RSPH1: variants seen among roughly 807,000 people sequenced by gnomAD.
The protein encoded by RSPH1 is radial spoke head component 1.
RSPH1 carries 32 observed loss-of-function variants against 44.2 expected under a neutral mutation model. That is an observed-to-expected ratio of 0.72 (90% CI 0.55 to 0.97). The LOEUF (loss-of-function observed/expected upper bound fraction) is 0.97, where lower values mean the gene tolerates loss of function less well. RSPH1 is among the 50% of genes least tolerant of loss of function. The pLI is 0.00. For missense variants in RSPH1, 391 were observed against 398.7 expected (o/e 0.98, Z 0.16); for synonymous variants, 134 against 147.3 (o/e 0.91, Z 0.65).
At chr21:42,482,451 T>C (rs2054138094) in intron 6 of RSPH1, among the ~76,000 whole-genome samples, 186 bp downstream of exon 6, 1 of 152,194 alleles carries the variant, frequency 6.6e-6, no homozygotes, top group African/African-American at 2.4e-5. Flanking sequence ...AAATGGGAAA[T>C]GATATTGTTT....
At chr21:42,478,813 C>T (rs1425792334) in intron 6 of RSPH1, among the ~76,000 whole-genome samples, 2 of 152,132 alleles carry the variant, frequency 1.3e-5, no homozygotes, top group Non-Finnish European at 2.9e-5. Context: ...CATCAACAGA[C>T]AAATGGATAA....
At chr21:42,494,769 G>C (rs371439509) in intron 1 of RSPH1, among the ~76,000 whole-genome samples, 31 of 150,798 alleles carry the variant, frequency 2.1e-4, no homozygotes, top group African/African-American at 7.6e-4. Context: ...GCGTGATCTC[G>C]GCTCACTGCA....
At chr21:42,473,278 G>C (rs1326235297) in intron 8 of RSPH1, among the ~76,000 whole-genome samples, 1 of 152,296 alleles carries the variant, frequency 6.6e-6, no homozygotes, top group East Asian at 1.9e-4. Context: ...ATCACTTGAG[G>C]TCAGGAGTTC....
chr21:42,485,472 C>A, intron 5 of RSPH1, 197 bp downstream of exon 5: 10 of 612,120 alleles, frequency 1.6e-5, no homozygotes, highest in Non-Finnish European at 1.4e-5. Flanking sequence ...ACGGGCCAAT[C>A]CCTCCCTTCC....
intron 3 of RSPH1, among the ~76,000 whole-genome samples, chr21:42,491,607 A>G (rs1280866810): frequency 6.6e-5 from 10 of 152,356 alleles, no homozygotes; most frequent in Admixed American, 4.6e-4. Context: ...GGTGCTTCTT[A>G]TAGAGCAAGC....
chr21:42,475,243 G>A (rs1207921400), intron 8 of RSPH1, among the ~76,000 whole-genome samples: 1 of 152,096 alleles, frequency 6.6e-6, no homozygotes, highest in Admixed American at 6.5e-5. Flanking sequence ...CATTGAAAAA[G>A]AGCTAGTTCC....
chr21:42,484,002 G>A (rs955141264), intron 5 of RSPH1, among the ~76,000 whole-genome samples: 2 of 152,140 alleles, frequency 1.3e-5, no homozygotes, highest in Non-Finnish European at 2.9e-5. Context: ...GTGTGTGTGT[G>A]TGTGTATCCT....
At chr21:42,482,275 G>A (rs1271195230) in intron 6 of RSPH1, among the ~76,000 whole-genome samples, 1 of 152,104 alleles carries the variant, frequency 6.6e-6, no homozygotes. Context: ...GCGGAGACAG[G>A]GATTCATCAC....
intron 5 of RSPH1, 89 bp from the exon 6 acceptor site, chr21:42,482,797 T>C (rs2054142784): frequency 1.1e-6 from 1 of 902,804 alleles, no homozygotes; most frequent in Non-Finnish European, 1.8e-6. Flanking sequence ...CCACCTCAAA[T>C]CACCAAATTG....
chr21:42,485,884 T>C (rs1405843282), intron 4 of RSPH1, 80 bp from the exon 5 acceptor site: 31 of 1,571,196 alleles, frequency 2.0e-5, no homozygotes, highest in African/African-American at 2.7e-5. Context: ...GACATTGACA[T>C]TGAGGGAGGC....
chr21:42,477,967 T>C (rs1379404179), intron 6 of RSPH1, among the ~76,000 whole-genome samples: 3 of 152,306 alleles, frequency 2.0e-5, no homozygotes, highest in Non-Finnish European at 4.4e-5. Flanking sequence ...AAGAAGTTCC[T>C]AAGATGTCCA....
chr21:42,483,263 G>A (rs968859674), intron 5 of RSPH1, among the ~76,000 whole-genome samples: 48 of 148,602 alleles, frequency 3.2e-4, no homozygotes, highest in South Asian at 1.7e-3. Flanking sequence ...TACAAAGAAC[G>A]CTCCAGCAAA....
chr21:42,477,172 C>G (rs142323643), intron 7 of RSPH1, 119 bp downstream of exon 7: 2 of 293,920 alleles, frequency 6.8e-6, no homozygotes, highest in Non-Finnish European at 1.1e-5. Flanking sequence ...GGGGATGCCC[C>G]ACACCCTCTG....
chr21:42,480,640 C>CAAAAAAAAAAAAA (rs780506820), intron 6 of RSPH1, among the ~76,000 whole-genome samples: 1 of 38,746 alleles, frequency 2.6e-5, no homozygotes, highest in African/African-American at 9.5e-5. Flanking sequence ...AACTCCATCT[C>CAAAAAAAAAAAAA]AAAAAAAAAA....
rs115281124 is a variant in RSPH1 at position 42,474,559 on chromosome 21, G to A, written c.877+1339C>T. Reference sequence around the variant, plus strand: ...CAGTGACTAAGGACTGACATCTGTGGGCACAGCTAGATGCTGCTGTAACAC... The same window carrying A: ...CAGTGACTAAGGACTGACATCTGTGAGCACAGCTAGATGCTGCTGTAACAC... On this transcript the variant is annotated intron_variant, in intron 8 of 8. Transcript: ENST00000291536. This position sits in a 1 kb window ranked among gnomAD's most constrained non-coding sequence, Gnocchi z 5.2. Among the ~76,000 whole-genome samples, 1,760 of 152,308 alleles carry A rather than the reference G, an allele frequency of 0.012. 37 individuals are homozygous for A. Among genetic ancestry groups the A allele is most frequent in the African/African-American group, 0.04 (1,654 of 41,554 alleles).
chr21:42,474,806 G>A lies in RSPH1; in HGVS notation c.877+1092C>T, dbSNP rs764996172. On this transcript the variant is annotated intron_variant, in intron 8 of 8. Transcript: ENST00000291536. This position sits in a 1 kb window ranked among gnomAD's most constrained non-coding sequence, Gnocchi z 5.2. ...ACCGATCACGAAAGTCTATGCCAGC[G>A]CTCAGGGGAATTACCGATCACGAAA... Among the ~76,000 whole-genome samples, 9 of 148,582 alleles carry A rather than the reference G, an allele frequency of 6.1e-5. No homozygotes were observed. Among genetic ancestry groups the A allele is most frequent in the Admixed American group, 2.0e-4 (3 of 15,056 alleles).
At chr21:42,487,955 G>A (rs1448770358) in intron 3 of RSPH1, among the ~76,000 whole-genome samples, 3 of 152,228 alleles carry the variant, frequency 2.0e-5, no homozygotes, top group Non-Finnish European at 4.4e-5. Context: ...CCCAGGGCGC[G>A]AGCACCAGCC....
rs1428923308 is a variant in RSPH1, at chr21:42,496,140, T to G, written c.47A>C (p.Asp16Ala). Residue 16 changes from aspartate (D) to alanine (A), a missense_variant, in exon 1 of 9, where the codon GAT becomes GCT. Coordinates refer to ENST00000291536, the MANE Select transcript of RSPH1 (RefSeq NM_080860.4). Reference sequence around the variant, plus strand: ...CTCACCAGGAGCTCTCACCCCAATATCATTCTCTCCCTCCTCCTCCAACTC... The same window carrying G: ...CTCACCAGGAGCTCTCACCCCAATAGCATTCTCTCCCTCCTCCTCCAACTC... ...SEELEEEGEN[D>A]IGEYEGGRNE... The G allele has an allele frequency of 1.2e-6, 2 of 1,613,986 alleles. No individual in the cohort carries two copies.
In RSPH1 at chr21:42,472,605, G is replaced by A. The variant is rs2054002694; in HGVS notation, c.*213C>T. 1 of 414,244 alleles carries A rather than the reference G, an allele frequency of 2.4e-6. No individual in the cohort carries two copies. 25.7% of individuals were successfully genotyped at this position (414,244 alleles called of 1,614,324 possible). On this transcript the variant is annotated 3_prime_UTR_variant, in exon 9 of 9. Transcript: ENST00000291536. ...GATTGTTAACTGACAGAAGCATTTT[G>A]TTTTTGTTTATTTTTTGAGACAGGG...
Sources: gnomAD v4.1 joint callset for allele counts (sites outside exome capture counted in the v4.1 genomes callset) on GRCh38, gnomAD v4.1.1 for gene constraint, Gnocchi (gnomAD v3.1) non-coding constraint, MANE v1.5 for transcripts, NCBI Gene and HGNC (gene_info 2026-07-23, HGNC 2026-07-21) for gene names.